The following CCDC85A variants were observed in gnomAD, a reference collection of about 807,000 sequenced individuals.
CCDC85A encodes the protein coiled-coil domain containing 85A, also known as coiled-coil domain-containing protein 85A.
A neutral mutation model predicts 50.2 loss-of-function variants in CCDC85A; 38 were observed. The observed-to-expected ratio is 0.76, with a 90% CI of 0.58 to 0.99. The LOEUF (loss-of-function observed/expected upper bound fraction) is 0.99, where lower values mean the gene tolerates loss of function less well. Ranked by LOEUF, CCDC85A falls within the 50% of genes least tolerant of loss-of-function variation. The pLI is 0.00. For synonymous variants in CCDC85A, 366 were observed against 301.4 expected, an observed-to-expected ratio of 1.21 and a Z score of -2.22; for missense variants, 820 against 742.0, an observed-to-expected ratio of 1.11 and a Z score of -1.22.
intron 2 of CCDC85A, among the ~76,000 whole-genome samples, chr2:56,329,213 T>C (rs1196351022): frequency 1.3e-5 from 2 of 152,324 alleles, no homozygotes; most frequent in East Asian, 3.9e-4. Context: ...TTCTTGCCGC[T>C]TGGAAAGCTC....
At chr2:56,275,737 G>C (rs926800956) in intron 2 of CCDC85A, among the ~76,000 whole-genome samples, 1 of 152,034 alleles carries the variant, frequency 6.6e-6, no homozygotes, top group Non-Finnish European at 1.5e-5. Context: ...GTATACTCTT[G>C]GTATTATTTA....
At chr2:56,325,579 C>G (rs976309261) in intron 2 of CCDC85A, among the ~76,000 whole-genome samples, 1 of 152,056 alleles carries the variant, frequency 6.6e-6, no homozygotes, top group Admixed American at 6.6e-5. Context: ...ACAGAGTGAA[C>G]ATTTCCTTGG....
At chr2:56,284,536 C>T (rs985137269) in intron 2 of CCDC85A, among the ~76,000 whole-genome samples, 29 of 152,234 alleles carry the variant, frequency 1.9e-4, no homozygotes, top group African/African-American at 6.7e-4. Flanking sequence ...CCAGGCCCAG[C>T]TAATTTTTCT....
chr2:56,325,409 T>C (rs903522312), intron 2 of CCDC85A, among the ~76,000 whole-genome samples: 3 of 152,122 alleles, frequency 2.0e-5, no homozygotes, highest in African/African-American at 7.2e-5. Context: ...CAATGATGGA[T>C]TACTTTAAAA....
rs539719953 is a variant in CCDC85A at position 56,232,244 on chromosome 2, T to C, written c.1240+38804T>C. On this transcript the variant is annotated intron_variant, in intron 2 of 5. Transcript: ENST00000407595. ...TAGGATACCTAATTGGCATCTGAAA[T>C]GTAACATGCCCAAAACCAGACTCTG... 7.9e-5 allele frequency among the ~76,000 whole-genome samples: 12 copies of C among 152,264 alleles called. No individual in the cohort carries two copies. In the South Asian group the frequency reaches 2.5e-3, roughly 32 times the overall value.
intron 2 of CCDC85A, among the ~76,000 whole-genome samples, chr2:56,242,038 G>A (rs1669280804): frequency 6.6e-6 from 1 of 152,056 alleles, no homozygotes; most frequent in African/African-American, 2.4e-5. Context: ...AGAGTGAGAT[G>A]GTCTCTCATT....
At chr2:56,377,778 C>A (rs1327506530) in intron 5 of CCDC85A, among the ~76,000 whole-genome samples, 1 of 151,690 alleles carries the variant, frequency 6.6e-6, no homozygotes, top group Non-Finnish European at 1.5e-5. Context: ...ATCCCAGCTA[C>A]TTGGGAGGCT....
At chr2:56,313,251 TTA>T (rs1672775420) in intron 2 of CCDC85A, among the ~76,000 whole-genome samples, 1 of 152,150 alleles carries the variant, frequency 6.6e-6, no homozygotes, top group African/African-American at 2.4e-5. Flanking sequence ...TAAGTAATAT[TTA>T]TATTTTTATA....
At chr2:56,315,833 C>T (rs1672896812) in intron 2 of CCDC85A, among the ~76,000 whole-genome samples, 1 of 152,226 alleles carries the variant, frequency 6.6e-6, no homozygotes, top group East Asian at 1.9e-4. Flanking sequence ...CTGCTGTGTG[C>T]TAGGCAGTGT....
chr2:56,381,651 A>T (rs1345069554), intron 5 of CCDC85A, among the ~76,000 whole-genome samples: 2 of 152,110 alleles, frequency 1.3e-5, no homozygotes, highest in East Asian at 1.9e-4. Flanking sequence ...TTTCCTGAGG[A>T]ACAAAAAGTG....
At chr2:56,188,744 C>T (rs1336802202) in intron 1 of CCDC85A, among the ~76,000 whole-genome samples, 6 of 152,200 alleles carry the variant, frequency 3.9e-5, no homozygotes, top group African/African-American at 1.2e-4. Flanking sequence ...CTAGTGCTTG[C>T]TGAAAACAAT....
intron 2 of CCDC85A, among the ~76,000 whole-genome samples, chr2:56,324,142 A>G (rs935178985): frequency 6.6e-6 from 1 of 152,136 alleles, no homozygotes; most frequent in African/African-American, 2.4e-5. Context: ...TGTGTATAAC[A>G]TGTTGATTTA....
At chr2:56,380,754 G>T (rs1676548278) in intron 5 of CCDC85A, among the ~76,000 whole-genome samples, 1 of 151,914 alleles carries the variant, frequency 6.6e-6, no homozygotes, top group Admixed American at 6.6e-5. Flanking sequence ...TAATATACAT[G>T]GGATGTATCA....
intron 2 of CCDC85A, among the ~76,000 whole-genome samples, chr2:56,267,190 C>G (rs1044360055): frequency 5.3e-5 from 8 of 152,102 alleles, no homozygotes; most frequent in African/African-American, 1.9e-4. Flanking sequence ...TAGCAATTAA[C>G]TCCTCCTCTT....
chr2:56,272,882 T>C (rs1169521244), intron 2 of CCDC85A, among the ~76,000 whole-genome samples: 5 of 152,094 alleles, frequency 3.3e-5, no homozygotes, highest in Non-Finnish European at 7.3e-5. Flanking sequence ...CAGGCCAATA[T>C]TACAAGGTAT....
intron 2 of CCDC85A, among the ~76,000 whole-genome samples, chr2:56,269,208 A>G (rs982461153): frequency 1.5e-4 from 23 of 152,162 alleles, no homozygotes; most frequent in African/African-American, 5.3e-4. Context: ...GACCCATAGC[A>G]ATAACTTACC....
At chr2:56,378,337 G>A (rs1676435795) in intron 5 of CCDC85A, among the ~76,000 whole-genome samples, 1 of 152,120 alleles carries the variant, frequency 6.6e-6, no homozygotes, top group South Asian at 2.1e-4. Context: ...TAAGAAATTA[G>A]TACATTTGTG....
At chr2:56,261,965 A>T (rs1461785857) in intron 2 of CCDC85A, among the ~76,000 whole-genome samples, 1 of 152,210 alleles carries the variant, frequency 6.6e-6, no homozygotes, top group African/African-American at 2.4e-5. Context: ...GGTGGGCCGC[A>T]GTGAAAGAGC....
chr2:56,277,897 C>T (rs1350211262), intron 2 of CCDC85A, among the ~76,000 whole-genome samples: 2 of 152,172 alleles, frequency 1.3e-5, no homozygotes, highest in African/African-American at 4.8e-5. Context: ...AACTCAAAGA[C>T]ATTAGGAAGG....
Sources: allele counts gnomAD v4.1 joint callset (sites outside exome capture counted in the v4.1 genomes callset), GRCh38; gene constraint gnomAD v4.1.1; transcripts MANE v1.5; gene names NCBI Gene and HGNC (gene_info 2026-07-23, HGNC 2026-07-21).